ZNF668: variants seen among roughly 807,000 people sequenced by gnomAD.
ZNF668 encodes the protein zinc finger protein 668.
ZNF668 carries 10 observed loss-of-function variants against 40.3 expected under a neutral mutation model. The observed-to-expected ratio is 0.25, with a 90% CI of 0.15 to 0.42. The LOEUF (loss-of-function observed/expected upper bound fraction) is 0.42. Among genes scored for constraint, ZNF668 ranks in the 10% least tolerant of loss-of-function variants. The pLI, the probability that ZNF668 is intolerant of heterozygous loss-of-function variation, is 1.00. For synonymous variants in ZNF668, 428 were observed against 384.6 expected (o/e 1.11, Z -1.32); for missense variants, 749 against 904.6 (o/e 0.83, Z 2.21).
chr16:31,061,027 G>C lies in ZNF668; in HGVS notation c.*41C>G, dbSNP rs781230042. ...AGGAGGTACAGGAAGCCCCCGATGG[G>C]GGCTGGGCTCCCGGAGTGTGGTGCT... On this transcript the variant is annotated 3_prime_UTR_variant, in exon 3 of 3. Coordinates refer to ENST00000300849, the MANE Select transcript of ZNF668 (RefSeq NM_024706.5). This position sits in a 1 kb window ranked among gnomAD's most constrained non-coding sequence, Gnocchi z 7.7. The C allele has an allele frequency of 1.0e-5, 15 of 1,442,856 alleles. No individual in the cohort carries two copies. The Admixed American group carries it at 4.0e-4, about 39-fold the overall frequency. The allele number at this position is 1,442,856 out of a possible 1,614,324, so 89.4% of individuals were successfully genotyped here.
At chr16:31,062,410 A>C in intron 2 of ZNF668, 130 bp from the exon 3 acceptor site, 1 of 1,295,790 alleles carries the variant, frequency 7.7e-7, no homozygotes, top group Non-Finnish European at 1.0e-6. Flanking sequence ...TAAGAGCCAC[A>C]TGGCTGCACC....
chr16:31,061,693 C>T lies in ZNF668; in HGVS notation c.1235G>A (p.Arg412Gln), dbSNP rs1216102206. ...CGCGGCCTCACTGCTTCGATGGGTC[C>T]GCTCGTGCTTCCTCAGGCTCGACGA... ...VVSSSLRKHE[R>Q]THRSSEAAGV... The change falls in exon 3 of 3, where the codon CGG (arginine) becomes CAG (glutamine). Residue 412 changes from arginine to glutamine, a missense_variant. By Grantham distance (43) the Arg-to-Gln change is conservative. Coordinates refer to ENST00000300849, the MANE Select transcript of ZNF668 (RefSeq NM_024706.5). This position sits in a 1 kb window ranked among gnomAD's most constrained non-coding sequence, Gnocchi z 7.7. 2 of 1,613,624 alleles carry T rather than the reference C, an allele frequency of 1.2e-6. No homozygotes were observed. The highest frequency in any genetic ancestry group is 1.6e-4 in the Middle Eastern group (1 of 6,062).
intron 1 of ZNF668, chr16:31,065,994 C>A (rs1261938507): frequency 1.0e-6 from 1 of 982,902 alleles, no homozygotes; most frequent in Non-Finnish European, 1.2e-6. Flanking sequence ...GACTCAGGGC[C>A]CCTTATGCCA....
intron 1 of ZNF668, among the ~76,000 whole-genome samples, chr16:31,065,861 A>AAT (rs892100274): frequency 1.9e-4 from 29 of 152,014 alleles, no homozygotes; most frequent in South Asian, 4.2e-4. Flanking sequence ...CTCAAAAAAA[A>AAT]AAAAATAAAA....
chr16:31,061,325 C>T lies in ZNF668; in HGVS notation c.1603G>A (p.Glu535Lys), dbSNP rs767895927. Residue 535 changes from glutamate to lysine, a missense_variant, in exon 3 of 3, where the codon GAG becomes AAG. Glu to Lys is a moderately conservative substitution (Grantham distance 56, BLOSUM62 1). Transcript: ENST00000300849. This position sits in a 1 kb window ranked among gnomAD's most constrained non-coding sequence, Gnocchi z 7.7. ...FSTMTLLRRH[E>K]RSHPELRPFP... Reference sequence around the variant, plus strand: ...GGCCGGAGCTCCGGGTGTGAGCGCTCGTGCCGACGCAGCAGCGTCATTGTG... The same window carrying T: ...GGCCGGAGCTCCGGGTGTGAGCGCTTGTGCCGACGCAGCAGCGTCATTGTG... The T allele has an allele frequency of 8.1e-6, 13 of 1,597,240 alleles. No individual in the cohort carries two copies. The highest frequency in any genetic ancestry group is 1.7e-4 in the Middle Eastern group (1 of 6,012).
rs1473353128 is a variant in ZNF668, at chr16:31,068,239, A to AAAAAAAT, written c.-22-3759_-22-3758insATTTTTT. ...CACCATTAAAAAAAAAAAAAAAAAA[A>AAAAAAAT]ATATATATATATATATATATATATA... On this transcript the variant is annotated intron_variant, in intron 1 of 2. Coordinates refer to ENST00000300849, the MANE Select transcript of ZNF668 (RefSeq NM_024706.5). 2.8e-3 allele frequency among the ~76,000 whole-genome samples: 236 copies of AAAAAAAT among 82,940 alleles called. 4 individuals are homozygous for AAAAAAAT. Among genetic ancestry groups the AAAAAAAT allele is most frequent in the East Asian group, 0.016 (45 of 2,732 alleles). The allele number at this position is 82,940 out of a possible 152,430, so 54.4% of individuals were successfully genotyped here.
chr16:31,064,661 G>A, intron 1 of ZNF668, 180 bp from the exon 2 acceptor site: 1 of 1,536,190 alleles, frequency 6.5e-7, no homozygotes, highest in Non-Finnish European at 8.7e-7. Context: ...GAAGAAAGGA[G>A]TTGGACCAAG....
intron 1 of ZNF668, chr16:31,064,782 A>AG (rs1196630430): frequency 2.7e-6 from 4 of 1,482,530 alleles, no homozygotes; most frequent in Non-Finnish European, 3.6e-6. Context: ...CCAGAGGCCC[A>AG]GGTTCCATCT....
intron 1 of ZNF668, chr16:31,069,097 C>G (rs1268613861): frequency 6.6e-6 from 1 of 152,072 alleles, no homozygotes; most frequent in African/African-American, 2.4e-5. Context: ...CATTCTCTCC[C>G]CCAGGTTGAA....
Position 31,061,769 on chromosome 16 carries a change from A to AGTGC in ZNF668, c.1155_1158dup (p.Ser387AlafsTer10). On this transcript the variant is annotated frameshift_variant, in exon 3 of 3. Transcript: ENST00000300849. LOFTEE classifies it high-confidence loss of function. The surrounding 1 kb of genome is among the most constrained non-coding windows in gnomAD (Gnocchi z 7.7). The stretch of plus-strand genomic sequence containing the variant: ...TTACAGTGGAAGGGGCGCTCCCCCG[A>AGTGC]GTGCACCCGGCTATGCTTCGTGAGG... 1 of 1,612,916 alleles carries AGTGC rather than the reference A, an allele frequency of 6.2e-7. No individual in the cohort carries two copies. Among genetic ancestry groups the AGTGC allele is most frequent in the African/African-American group, 1.3e-5 (1 of 75,010 alleles).
At chr16:31,072,646 A>C (rs1283171698) in intron 1 of ZNF668, 1 of 152,330 alleles carries the variant, frequency 6.6e-6, no homozygotes, top group African/African-American at 2.4e-5. Context: ...CACGGCCAGG[A>C]GTGACGTAGT....
intron 2 of ZNF668, 62 bp from the exon 3 acceptor site, chr16:31,062,342 G>T (rs1041346531): frequency 1.6e-5 from 25 of 1,525,178 alleles, no homozygotes; most frequent in Non-Finnish European, 2.2e-5. Flanking sequence ...CCCACTGCCT[G>T]TCTGGGCTGT....
At position 31,061,143 on chromosome 16, in the gene ZNF668, A is replaced by G. The variant is rs1398286173; in HGVS notation, c.1785T>C (p.Pro595=). 6.6e-7 allele frequency: 1 copy of G among 1,511,914 alleles called. No individual in the cohort carries two copies. Among genetic ancestry groups the G allele is most frequent in the South Asian group, 1.3e-5 (1 of 74,216 alleles). 93.7% of individuals were successfully genotyped at this position (1,511,914 alleles called of 1,614,324 possible). A position where few individuals can be genotyped will look rare whatever the true frequency, so the allele number is the denominator to read the frequency against. ...GGGGTGTGGGGGTCCCCATGGGCAC[A>G]GGGTGGGTGCGTTCATGCTTGCGCA... The part of the protein sequence containing the change: ...SDLRKHERTH[P]VPMGTPTPLE... The change falls in exon 3 of 3, where the codon CCT becomes CCC. Residue 595 remains proline, a synonymous_variant. Coordinates refer to ENST00000300849, the MANE Select transcript of ZNF668 (RefSeq NM_024706.5). The surrounding 1 kb of genome is among the most constrained non-coding windows in gnomAD (Gnocchi z 7.7).
At chr16:31,071,649 T>C (rs1335502163) in intron 1 of ZNF668, among the ~76,000 whole-genome samples, 1 of 152,160 alleles carries the variant, frequency 6.6e-6, no homozygotes, top group African/African-American at 2.4e-5. Context: ...GATGGAGGTC[T>C]CACTACGCTG....
intron 1 of ZNF668, chr16:31,065,916 A>T: frequency 1.7e-6 from 1 of 579,362 alleles, no homozygotes; most frequent in Non-Finnish European, 2.2e-6. Flanking sequence ...GTGGCTTCTA[A>T]GTTATGACAC....
At chr16:31,069,845 G>A (rs2057002965) in intron 1 of ZNF668, among the ~76,000 whole-genome samples, 1 of 127,112 alleles carries the variant, frequency 7.9e-6, no homozygotes, top group Non-Finnish European at 1.6e-5. Context: ...CACAATCCTG[G>A]CTCACTGCAA....
At chr16:31,073,475 G>A (rs1054964766) in intron 1 of ZNF668, 184 bp downstream of exon 1, 1 of 152,140 alleles carries the variant, frequency 6.6e-6, no homozygotes, top group Admixed American at 6.5e-5. Context: ...GACAGCCGGC[G>A]GGTTCTAGGA....
At chr16:31,062,354 C>CT (rs1355680601) in intron 2 of ZNF668, 74 bp from the exon 3 acceptor site, 1 of 1,504,740 alleles carries the variant, frequency 6.6e-7, no homozygotes, top group East Asian at 2.3e-5. Flanking sequence ...CTGGGCTGTA[C>CT]TTTAGGGGCT....
rs1281313487 is a variant in ZNF668 at position 31,064,172 on chromosome 16, T to G, written c.288A>C (p.Ala96=). ...TGCGCCCGTGGCTGCGCAGCTCGGG[T>G]GCCGTCTTGTAGGCCTTGGGGCATA... The part of the protein sequence containing the change: ...CPLCPKAYKT[A]PELRSHGRSH... Residue 96 remains alanine (A), a synonymous_variant, in exon 2 of 3, where the codon GCA becomes GCC. Coordinates refer to ENST00000300849, the MANE Select transcript of ZNF668 (RefSeq NM_024706.5). The G allele has an allele frequency of 6.2e-7, 1 of 1,610,756 alleles. No individual in the cohort carries two copies. Among genetic ancestry groups the G allele is most frequent in the Non-Finnish European group, 8.5e-7 (1 of 1,179,772 alleles).
Sources: gnomAD v4.1 joint callset for allele counts (sites outside exome capture counted in the v4.1 genomes callset) on GRCh38, gnomAD v4.1.1 for gene constraint, Gnocchi (gnomAD v3.1) non-coding constraint, MANE v1.5 for transcripts, NCBI Gene and HGNC (gene_info 2026-07-23, HGNC 2026-07-21) for gene names.